CACUL1: variants seen among roughly 807,000 people sequenced by gnomAD.
CACUL1 encodes CDK2-associated and cullin domain-containing protein 1.
CACUL1 carries 13 observed loss-of-function variants against 45.2 expected under a neutral mutation model. The observed-to-expected ratio is 0.29, with a 90% CI of 0.19 to 0.46. CACUL1 has a LOEUF of 0.46. Among genes scored for constraint, CACUL1 ranks in the 20% least tolerant of loss-of-function variants. The pLI is 1.00. For missense variants in CACUL1, 421 were observed against 471.4 expected (o/e 0.89, Z 0.99); for synonymous variants, 197 against 174.2 (o/e 1.13, Z -1.03).
At chr10:118,700,716 C>CAAAAAAAAAAAAAAAAAAAAAAAAAA (rs59032746) in intron 5 of CACUL1, among the ~76,000 whole-genome samples, 1 of 132,946 alleles carries the variant, frequency 7.5e-6, no homozygotes, top group African/African-American at 3.2e-5. Flanking sequence ...GACTCCGTCT[C>CAAAAAAAAAAAAAAAAAAAAAAAAAA]AAAAAAAAAA....
At chr10:118,695,019 A>T (rs2119558858) in intron 6 of CACUL1, 122 bp downstream of exon 6, 4 of 654,462 alleles carry the variant, frequency 6.1e-6, no homozygotes, top group East Asian at 5.4e-5. Flanking sequence ...TATCTACTCA[A>T]TTTTTTTGCT....
intron 1 of CACUL1, among the ~76,000 whole-genome samples, chr10:118,750,009 C>T (rs1185974847): frequency 6.6e-6 from 1 of 152,204 alleles, no homozygotes; most frequent in Admixed American, 6.5e-5. Flanking sequence ...ATAGAAAACA[C>T]TATCAATGTC....
At chr10:118,728,159 C>T (rs1246591751) in intron 3 of CACUL1, among the ~76,000 whole-genome samples, 1 of 151,960 alleles carries the variant, frequency 6.6e-6, no homozygotes, top group Non-Finnish European at 1.5e-5. Flanking sequence ...AAAAAAAACA[C>T]AAAAAAACTA....
At chr10:118,735,622 T>C (rs536936894) in intron 1 of CACUL1, among the ~76,000 whole-genome samples, 1 of 152,302 alleles carries the variant, frequency 6.6e-6, no homozygotes, top group South Asian at 2.1e-4. Flanking sequence ...TTTCCTCAAT[T>C]GCTAATATAT....
chr10:118,684,921 C>G lies in CACUL1; in HGVS notation c.*1207G>C, dbSNP rs1289128479. The G allele has an allele frequency of 6.6e-6, 1 of 152,202 alleles. No individual in the cohort carries two copies. Among genetic ancestry groups the G allele is most frequent in the Non-Finnish European group, 1.5e-5 (1 of 68,042 alleles). The allele number at this position is 152,202 out of a possible 1,614,324, so 9.4% of individuals were successfully genotyped here. On this transcript the variant is annotated 3_prime_UTR_variant, in exon 9 of 9. Transcript: ENST00000369151. ...TCTATTTTTCTTGGGCTTTCAACAACAGCTAGAATAAGCTTCAGAAACTTT... is the reference window on the plus strand; with the variant it reads ...TCTATTTTTCTTGGGCTTTCAACAAGAGCTAGAATAAGCTTCAGAAACTTT...
intron 5 of CACUL1, among the ~76,000 whole-genome samples, chr10:118,699,095 T>C (rs1455750274): frequency 1.3e-5 from 2 of 152,172 alleles, no homozygotes; most frequent in African/African-American, 2.4e-5. Context: ...ACTTGTAAAA[T>C]ATAGGTCCTA....
chr10:118,726,891 A>G (rs1220779874), intron 3 of CACUL1, among the ~76,000 whole-genome samples: 1 of 152,162 alleles, frequency 6.6e-6, no homozygotes, highest in East Asian at 1.9e-4. Flanking sequence ...ACAGAGCTGG[A>G]AACAGAGCCC....
At chr10:118,744,844 C>T (rs892528857) in intron 1 of CACUL1, among the ~76,000 whole-genome samples, 3 of 151,970 alleles carry the variant, frequency 2.0e-5, no homozygotes, top group East Asian at 1.9e-4. Flanking sequence ...TTAGTATGGA[C>T]GGGGTTTCAC....
Position 118,737,039 on chromosome 10 carries a change from C to T in CACUL1, c.368-6629G>A, listed in dbSNP as rs150248056. On this transcript the variant is annotated intron_variant, in intron 1 of 8. Coordinates refer to ENST00000369151, the MANE Select transcript of CACUL1 (RefSeq NM_153810.5). ...ATGATGTTCCCACAGTGTACAAAAT[C>T]GCCTAACAAAACAATTCTCAGAATT... Among the ~76,000 whole-genome samples, 12 of 151,634 alleles carry T rather than the reference C, an allele frequency of 7.9e-5. No individual in the cohort carries two copies. In the South Asian group the frequency reaches 2.1e-3, roughly 26 times the overall value.
intron 3 of CACUL1, chr10:118,726,488 C>G (rs776183648): frequency 2.8e-6 from 1 of 359,332 alleles, no homozygotes; most frequent in Non-Finnish European, 5.4e-6. Context: ...GAAGCAGAAA[C>G]AATAACACAA....
At chr10:118,706,696 C>G (rs187737304) in intron 4 of CACUL1, among the ~76,000 whole-genome samples, 61 of 152,176 alleles carry the variant, frequency 4.0e-4, no homozygotes, top group African/African-American at 1.3e-3. Flanking sequence ...CTAGAAAACT[C>G]GTACTATTAA....
Position 118,681,741 on chromosome 10 carries a change from C to G in CACUL1, c.*4387G>C, listed in dbSNP as rs180849476. ...GCCACTCCATCAACAGAAGCAGAAACAGTACACATATTCATGCCACTCGGC... is the reference window on the plus strand; with the variant it reads ...GCCACTCCATCAACAGAAGCAGAAAGAGTACACATATTCATGCCACTCGGC... On this transcript the variant is annotated 3_prime_UTR_variant, in exon 9 of 9. Coordinates refer to ENST00000369151, the MANE Select transcript of CACUL1 (RefSeq NM_153810.5). 83 of 152,344 alleles carry G rather than the reference C, an allele frequency of 5.4e-4. 1 individual carries two copies. Among genetic ancestry groups the G allele is most frequent in the African/African-American group, 1.9e-3 (79 of 41,506 alleles). The allele number at this position is 152,344 out of a possible 1,614,324, so 9.4% of individuals were successfully genotyped here.
At chr10:118,747,853 G>A (rs913250547) in intron 1 of CACUL1, among the ~76,000 whole-genome samples, 1 of 152,152 alleles carries the variant, frequency 6.6e-6, no homozygotes, top group African/African-American at 2.4e-5. Flanking sequence ...GGGAGTCCAA[G>A]GCAGGTAGAT....
At chr10:118,704,935 G>A (rs1344449109) in intron 4 of CACUL1, among the ~76,000 whole-genome samples, 1 of 152,218 alleles carries the variant, frequency 6.6e-6, no homozygotes, top group East Asian at 1.9e-4. Context: ...GGCGAGCTGG[G>A]GCACATCAGC....
rs541490128 is a variant in CACUL1, at chr10:118,683,006, A to G, written c.*3122T>C. On this transcript the variant is annotated 3_prime_UTR_variant, in exon 9 of 9. Coordinates refer to ENST00000369151, the MANE Select transcript of CACUL1 (RefSeq NM_153810.5). ...CCATTAGGATAAAAGTCACAACACC[A>G]GGTTTTGCTTTCTGCCCCACAAAAA... 6.6e-6 allele frequency: 1 copy of G among 152,336 alleles called. No individual in the cohort carries two copies. The highest frequency in any genetic ancestry group is 2.4e-5 in the African/African-American group (1 of 41,578). The allele number at this position is 152,336 out of a possible 1,614,324, so 9.4% of individuals were successfully genotyped here.
Position 118,677,050 on chromosome 10 carries a change from G to A in CACUL1, c.*9078C>T, listed in dbSNP as rs1845105580. ...AATCTGGAATTTCTCTTGGTGAATG[G>A]TATGATAGGAATCAGTTTAATGTTC... On this transcript the variant is annotated 3_prime_UTR_variant, in exon 9 of 9. Coordinates refer to ENST00000369151, the MANE Select transcript of CACUL1 (RefSeq NM_153810.5). 6.6e-6 allele frequency: 1 copy of A among 152,050 alleles called. No individual in the cohort carries two copies. The highest frequency in any genetic ancestry group is 1.5e-5 in the Non-Finnish European group (1 of 67,996). The allele number at this position is 152,050 out of a possible 1,614,324, so 9.4% of individuals were successfully genotyped here. A position where few individuals can be genotyped will look rare whatever the true frequency, so the allele number is the denominator to read the frequency against.
rs540604474 is a variant in CACUL1, at chr10:118,684,413, T to C, written c.*1715A>G. The C allele has an allele frequency of 2.6e-5, 4 of 152,366 alleles. No homozygotes were observed. The South Asian group carries it at 6.2e-4, about 24-fold the overall frequency. 9.4% of individuals were successfully genotyped at this position (152,366 alleles called of 1,614,324 possible). ...CTCCTTGATACTAGAATGTTACCAG[T>C]GTAGCAACTTAAACTGTCCAGGTCA... On this transcript the variant is annotated 3_prime_UTR_variant, in exon 9 of 9. Transcript: ENST00000369151.
chr10:118,690,104 A>C (rs1370767590), intron 7 of CACUL1, among the ~76,000 whole-genome samples: 3 of 152,190 alleles, frequency 2.0e-5, no homozygotes, highest in Non-Finnish European at 4.4e-5. Flanking sequence ...GATCGAGACC[A>C]TCCTGGCTAA....
intron 1 of CACUL1, among the ~76,000 whole-genome samples, chr10:118,744,099 C>G (rs1328783633): frequency 6.6e-6 from 1 of 152,158 alleles, no homozygotes; most frequent in African/African-American, 2.4e-5. Flanking sequence ...TATGAAAGAT[C>G]TGGAGGCCGG....
Sources: allele counts gnomAD v4.1 joint callset (sites outside exome capture counted in the v4.1 genomes callset), GRCh38; gene constraint gnomAD v4.1.1; transcripts MANE v1.5; gene names NCBI Gene and HGNC (gene_info 2026-07-23, HGNC 2026-07-21).